RBMS3: variants seen among roughly 807,000 people sequenced by gnomAD.
RBMS3 encodes the protein RNA-binding motif, single-stranded-interacting protein 3.
In RBMS3, 27 loss-of-function variants were observed where a neutral mutation model predicts 66.8. That is an observed-to-expected ratio of 0.40 (90% CI 0.30 to 0.56). RBMS3 has a LOEUF of 0.56. Ranked by LOEUF, RBMS3 falls within the 20% of genes least tolerant of loss-of-function variation. RBMS3 has a pLI of 0.40. For synonymous variants in RBMS3, 188 were observed against 183.0 expected (o/e 1.03, Z -0.22); for missense variants, 513 against 549.5 (o/e 0.93, Z 0.66).
chr3:29,360,174 G>GTTAGTCTGA (rs2037486635), intron 1 of RBMS3, among the ~76,000 whole-genome samples: 18 of 150,676 alleles, frequency 1.2e-4, no homozygotes, highest in African/African-American at 4.0e-4. Context: ...GCTTTCTCTT[G>GTTAGTCTGA]TGGGCATTTA....
At chr3:29,622,836 C>T (rs997455533) in intron 4 of RBMS3, among the ~76,000 whole-genome samples, 5 of 152,048 alleles carry the variant, frequency 3.3e-5, no homozygotes, top group African/African-American at 4.8e-5. Context: ...AAAGTAGTCC[C>T]GGACAGGAGC....
At chr3:29,758,906 T>A (rs1345532462) in intron 5 of RBMS3, among the ~76,000 whole-genome samples, 1 of 152,186 alleles carries the variant, frequency 6.6e-6, no homozygotes, top group Non-Finnish European at 1.5e-5. Flanking sequence ...GTACAGAGCC[T>A]GTGATTGCAA....
chr3:29,514,627 C>CAT (rs199988465), intron 3 of RBMS3, among the ~76,000 whole-genome samples: 1,332 of 106,848 alleles, frequency 0.012, 41 homozygotes, highest in East Asian at 0.1. Context: ...GAGATAGGTG[C>CAT]ATATATATAT....
At chr3:29,441,763 GA>G (rs1313472490) in intron 2 of RBMS3, among the ~76,000 whole-genome samples, 1 of 152,148 alleles carries the variant, frequency 6.6e-6, no homozygotes, top group Non-Finnish European at 1.5e-5. Flanking sequence ...AGCCTGCTCA[GA>G]TAATTCTAGT....
At chr3:29,769,220 A>G (rs984866432) in intron 6 of RBMS3, among the ~76,000 whole-genome samples, 2 of 151,874 alleles carry the variant, frequency 1.3e-5, no homozygotes, top group African/African-American at 4.8e-5. Context: ...AAAGACAAGA[A>G]CGGTGGCATG....
intron 4 of RBMS3, among the ~76,000 whole-genome samples, chr3:29,644,887 G>A (rs1434421824): frequency 6.6e-6 from 1 of 152,098 alleles, no homozygotes; most frequent in Non-Finnish European, 1.5e-5. Flanking sequence ...TATGTCAATA[G>A]TACATCAACT....
At chr3:29,674,139 C>G (rs183711817) in intron 4 of RBMS3, among the ~76,000 whole-genome samples, 18 of 152,170 alleles carry the variant, frequency 1.2e-4, no homozygotes, top group Admixed American at 1.1e-3. Flanking sequence ...ATAAACAGAA[C>G]CAAAGACAAA....
chr3:30,008,471 C>G lies in RBMS3; in HGVS notation c.*4609C>G, dbSNP rs1382026125. ...ATCACACACTATAATAAAGCTTAAACCTGTCATAGAACCTTGATCTATATT... is the reference window on the plus strand; with the variant it reads ...ATCACACACTATAATAAAGCTTAAAGCTGTCATAGAACCTTGATCTATATT... On this transcript the variant is annotated 3_prime_UTR_variant, in exon 15 of 15. Transcript: ENST00000383767. 1 of 151,978 alleles carries G rather than the reference C, an allele frequency of 6.6e-6. No individual in the cohort carries two copies. Among genetic ancestry groups the G allele is most frequent in the Non-Finnish European group, 1.5e-5 (1 of 67,938 alleles). The allele number at this position is 151,978 out of a possible 1,614,324, so 9.4% of individuals were successfully genotyped here.
At chr3:29,377,115 A>G (rs2038516837) in intron 1 of RBMS3, among the ~76,000 whole-genome samples, 1 of 151,616 alleles carries the variant, frequency 6.6e-6, no homozygotes, top group South Asian at 2.1e-4. Flanking sequence ...AAAAGCAAAG[A>G]AAGAAAAGGC....
At chr3:29,540,286 G>C (rs1030989220) in intron 3 of RBMS3, among the ~76,000 whole-genome samples, 2 of 152,098 alleles carry the variant, frequency 1.3e-5, no homozygotes, top group Non-Finnish European at 2.9e-5. Context: ...ATACTTCCCT[G>C]ATATATTATG....
intron 14 of RBMS3, among the ~76,000 whole-genome samples, chr3:29,993,699 C>T (rs181837017): frequency 6.6e-6 from 1 of 152,268 alleles, no homozygotes; most frequent in Admixed American, 6.5e-5. Context: ...TGAACTTAAA[C>T]AAAAATATTG....
chr3:29,965,643 T>C (rs568585444), intron 12 of RBMS3, among the ~76,000 whole-genome samples: 60 of 152,200 alleles, frequency 3.9e-4, no homozygotes, highest in African/African-American at 1.3e-3. Context: ...TTGTCAGATG[T>C]ATAGATTGTG....
intron 7 of RBMS3, among the ~76,000 whole-genome samples, chr3:29,879,377 T>G (rs2059685379): frequency 6.6e-6 from 1 of 152,176 alleles, no homozygotes; most frequent in Admixed American, 6.5e-5. Flanking sequence ...TTATTTTTTA[T>G]TGAATTTTTA....
chr3:29,640,493 C>CT (rs35491032), intron 4 of RBMS3, among the ~76,000 whole-genome samples: 45,879 of 151,646 alleles, frequency 0.3, 7,223 homozygotes, highest in African/African-American at 0.37. Flanking sequence ...GGACCAAGAG[C>CT]TTGCTTCACT....
At chr3:29,717,496 G>A (rs970125924) in intron 4 of RBMS3, among the ~76,000 whole-genome samples, 5 of 151,962 alleles carry the variant, frequency 3.3e-5, no homozygotes, top group South Asian at 2.1e-4. Context: ...TAAACTGCTA[G>A]CATTAAAATG....
chr3:29,725,573 C>G (rs2053829466), intron 4 of RBMS3, among the ~76,000 whole-genome samples: 1 of 152,010 alleles, frequency 6.6e-6, no homozygotes, highest in South Asian at 2.1e-4. Context: ...AAACTACCAC[C>G]AGAAAATACT....
chr3:29,931,579 C>T (rs2061125853), intron 10 of RBMS3, among the ~76,000 whole-genome samples: 1 of 152,170 alleles, frequency 6.6e-6, no homozygotes, highest in African/African-American at 2.4e-5. Flanking sequence ...ACATTTCTTA[C>T]TCCTTTTGTT....
intron 4 of RBMS3, among the ~76,000 whole-genome samples, chr3:29,706,893 G>A (rs2052921639): frequency 6.6e-6 from 1 of 152,150 alleles, no homozygotes; most frequent in Non-Finnish European, 1.5e-5. Context: ...TCTTGGAGTG[G>A]AAGGAAAGGA....
At chr3:29,554,834 A>T (rs542154823) in intron 3 of RBMS3, among the ~76,000 whole-genome samples, 2 of 152,298 alleles carry the variant, frequency 1.3e-5, no homozygotes, top group South Asian at 4.1e-4. Flanking sequence ...ATATTCCAGG[A>T]ACTTGACCTC....
Sources: gnomAD v4.1 joint callset for allele counts (sites outside exome capture counted in the v4.1 genomes callset) on GRCh38, gnomAD v4.1.1 for gene constraint, MANE v1.5 for transcripts, NCBI Gene and HGNC (gene_info 2026-07-23, HGNC 2026-07-21) for gene names.